The following SRBD1 variants were observed in gnomAD, a reference collection of about 807,000 sequenced individuals.
SRBD1 encodes the protein S1 RNA binding domain 1.
Under a neutral mutation model 115.3 loss-of-function variants are expected in SRBD1, and 88 were observed. The observed-to-expected ratio is 0.76, with a 90% CI of 0.64 to 0.91. The LOEUF (loss-of-function observed/expected upper bound fraction) is 0.91, where lower values mean the gene tolerates loss of function less well. SRBD1 is among the 40% of genes least tolerant of loss of function. The pLI is 0.00. For missense variants in SRBD1, 1,385 were observed against 1,177.4 expected, an observed-to-expected ratio of 1.18 and a Z score of -2.58; for synonymous variants, 509 against 407.7, an observed-to-expected ratio of 1.25 and a Z score of -2.99.
chr2:45,580,501 A>T (rs1429387453), intron 6 of SRBD1, among the ~76,000 whole-genome samples: 2 of 142,862 alleles, frequency 1.4e-5, no homozygotes, highest in Non-Finnish European at 3.0e-5. Context: ...GCGCACCACT[A>T]CGTCCAGCTA....
intron 1 of SRBD1, among the ~76,000 whole-genome samples, chr2:45,610,371 T>C (rs986019278): frequency 2.0e-5 from 3 of 152,196 alleles, no homozygotes; most frequent in African/African-American, 4.8e-5. Context: ...ACAGAGTGCT[T>C]GAATGTTAGC....
At chr2:45,413,332 G>C in intron 18 of SRBD1, 39 bp from the exon 19 acceptor site, 1 of 1,583,946 alleles carries the variant, frequency 6.3e-7, no homozygotes, top group South Asian at 1.2e-5. Flanking sequence ...ATGAAAAGGG[G>C]AAGGTTGGGC....
At chr2:45,459,891 T>C (rs1669263259) in intron 16 of SRBD1, among the ~76,000 whole-genome samples, 1 of 152,138 alleles carries the variant, frequency 6.6e-6, no homozygotes, top group Admixed American at 6.6e-5. Context: ...TCTGAAATTT[T>C]AGTTTAAAGC....
At chr2:45,476,959 G>C in intron 16 of SRBD1, 34 bp downstream of exon 16, 7 of 1,593,744 alleles carry the variant, frequency 4.4e-6, no homozygotes, top group Non-Finnish European at 6.0e-6. Context: ...TGTATTGATG[G>C]ATTTCATAAA....
At chr2:45,606,970 T>C (rs2104269492) in intron 1 of SRBD1, among the ~76,000 whole-genome samples, 1 of 152,286 alleles carries the variant, frequency 6.6e-6, no homozygotes, top group Non-Finnish European at 1.5e-5. Flanking sequence ...CAAAAGGGAA[T>C]ATGTTCTCCC....
intron 16 of SRBD1, among the ~76,000 whole-genome samples, chr2:45,428,875 G>T (rs1668242934): frequency 6.6e-6 from 1 of 152,048 alleles, no homozygotes; most frequent in Non-Finnish European, 1.5e-5. Flanking sequence ...CCAGGAGCTG[G>T]TTTTCTGAAA....
chr2:45,475,571 C>T lies in SRBD1; in HGVS notation c.2049+1422G>A, dbSNP rs567323905. Among the ~76,000 whole-genome samples, 29 of 152,318 alleles carry T rather than the reference C, an allele frequency of 1.9e-4. 1 individual carries two copies. The South Asian group carries it at 6.0e-3, about 32-fold the overall frequency. On this transcript the variant is annotated intron_variant, in intron 16 of 20. Coordinates refer to ENST00000263736, the MANE Select transcript of SRBD1 (RefSeq NM_018079.5). ...CTCTTTGAAGTCAATAGCTTATTAG[C>T]CTGCCCAGGTTTCATAAATTTGGAA...
At chr2:45,567,705 CTT>C (rs1474833447) in intron 9 of SRBD1, among the ~76,000 whole-genome samples, 6 of 151,814 alleles carry the variant, frequency 4.0e-5, no homozygotes, top group Non-Finnish European at 8.8e-5. Flanking sequence ...ACAAAATAAA[CTT>C]CAGTTTGAGC....
chr2:45,453,925 C>G (rs1669074246), intron 16 of SRBD1, among the ~76,000 whole-genome samples: 1 of 151,914 alleles, frequency 6.6e-6, no homozygotes, highest in Non-Finnish European at 1.5e-5. Context: ...TCGTCCACTG[C>G]AATTAACATA....
At chr2:45,573,772 A>AT (rs1199658401) in intron 8 of SRBD1, among the ~76,000 whole-genome samples, 1 of 152,226 alleles carries the variant, frequency 6.6e-6, no homozygotes, top group Non-Finnish European at 1.5e-5. Context: ...ACTGAACCAA[A>AT]TTTAAGTGGC....
At chr2:45,549,846 G>A (rs139296952) in intron 12 of SRBD1, among the ~76,000 whole-genome samples, 2 of 151,998 alleles carry the variant, frequency 1.3e-5, no homozygotes, top group African/African-American at 4.8e-5. Flanking sequence ...CTGGGTAAAA[G>A]AGCAAGACCC....
chr2:45,446,447 T>A (rs1045660266), intron 16 of SRBD1, among the ~76,000 whole-genome samples: 1 of 152,112 alleles, frequency 6.6e-6, no homozygotes, highest in Non-Finnish European at 1.5e-5. Flanking sequence ...CCTACCACAA[T>A]TGAATCTCCT....
At chr2:45,606,342 T>C (rs188648259) in intron 1 of SRBD1, among the ~76,000 whole-genome samples, 36 of 152,250 alleles carry the variant, frequency 2.4e-4, no homozygotes, top group Admixed American at 1.6e-3. Flanking sequence ...TATTTTTTAG[T>C]AGAGACAGCA....
intron 16 of SRBD1, among the ~76,000 whole-genome samples, chr2:45,432,253 T>A (rs1371141680): frequency 6.6e-6 from 1 of 152,102 alleles, no homozygotes; most frequent in East Asian, 1.9e-4. Context: ...GGTCTTGAAC[T>A]CCCGACCTCA....
chr2:45,496,538 G>C (rs1280957602), intron 14 of SRBD1, among the ~76,000 whole-genome samples: 1 of 152,082 alleles, frequency 6.6e-6, no homozygotes, highest in Non-Finnish European at 1.5e-5. Flanking sequence ...GCAACAAACA[G>C]CCCAGTTCTT....
intron 16 of SRBD1, among the ~76,000 whole-genome samples, chr2:45,469,622 AC>A (rs1669588021): frequency 1.3e-5 from 2 of 152,188 alleles, no homozygotes; most frequent in African/African-American, 2.4e-5. Flanking sequence ...TAGTATTTCA[AC>A]ATAGGAAGCA....
rs1673077712 is a variant in SRBD1 at position 45,573,291 on chromosome 2, T to C, written c.1221A>G (p.Ser407=). The C allele has an allele frequency of 6.2e-7, 1 of 1,612,534 alleles. No homozygotes were observed. The highest frequency in any genetic ancestry group is 1.1e-5 in the South Asian group (1 of 90,798). The part of the protein sequence containing the change: ...CIQSSLAKVS[S]KKVNEKDVDK... Reference sequence around the variant, plus strand: ...CAACATCTTTCTCATTTACCTTTTTTGAGGATACTTTTGCCAGAGATGACT... The same window carrying C: ...CAACATCTTTCTCATTTACCTTTTTCGAGGATACTTTTGCCAGAGATGACT... The change falls in exon 9 of 21, where the codon TCA becomes TCG. Residue 407 remains serine, a synonymous_variant. Transcript: ENST00000263736.
Position 45,413,225 on chromosome 2 carries a change from G to C in SRBD1, c.2402C>G (p.Thr801Arg), listed in dbSNP as rs776252294. The change falls in exon 19 of 21, where the codon ACA becomes AGA. Residue 801 changes from threonine to arginine, a missense_variant. Transcript: ENST00000263736. The part of the protein sequence containing the change: ...AVTSSADVEV[T>R]NEKQGKKKSK... Reference sequence around the variant, plus strand: ...CTTCTTTTTGCCCTGCTTCTCATTTGTGACCTCAACGTCTGCTGAAGATGT... The same window carrying C: ...CTTCTTTTTGCCCTGCTTCTCATTTCTGACCTCAACGTCTGCTGAAGATGT... The C allele has an allele frequency of 7.4e-6, 12 of 1,614,048 alleles. No homozygotes were observed. The highest frequency in any genetic ancestry group is 1.1e-5 in the South Asian group (1 of 91,084).
chr2:45,503,971 A>C (rs1370873691), intron 14 of SRBD1, among the ~76,000 whole-genome samples: 3 of 152,178 alleles, frequency 2.0e-5, no homozygotes, highest in African/African-American at 7.2e-5. Flanking sequence ...TATATAACTC[A>C]AGTCAGTCTT....
Sources: allele counts gnomAD v4.1 joint callset (sites outside exome capture counted in the v4.1 genomes callset), GRCh38; gene constraint gnomAD v4.1.1; transcripts MANE v1.5; gene names NCBI Gene and HGNC (gene_info 2026-07-23, HGNC 2026-07-21).